CCSER1: variants seen among roughly 807,000 people sequenced by gnomAD.
The protein encoded by CCSER1 is serine-rich coiled-coil domain-containing protein 1.
A neutral mutation model predicts 82.0 loss-of-function variants in CCSER1; 41 were observed. That is an observed-to-expected ratio of 0.50 (90% CI 0.39 to 0.65). The LOEUF is 0.65. Ranked by LOEUF, CCSER1 falls within the 30% of genes least tolerant of loss-of-function variation. The pLI is 0.00. For missense variants in CCSER1, 1,119 were observed against 1,064.2 expected, an observed-to-expected ratio of 1.05 and a Z score of -0.72; for synonymous variants, 414 against 383.9, an observed-to-expected ratio of 1.08 and a Z score of -0.92.
chr4:90,613,232 T>C (rs1355433982), intron 5 of CCSER1, among the ~76,000 whole-genome samples: 2 of 151,846 alleles, frequency 1.3e-5, no homozygotes, highest in African/African-American at 2.4e-5. Context: ...CACACAGAAA[T>C]GAAAAGCTAA....
At chr4:90,944,518 A>C (rs1056402249) in intron 9 of CCSER1, among the ~76,000 whole-genome samples, 1 of 152,064 alleles carries the variant, frequency 6.6e-6, no homozygotes, top group African/African-American at 2.4e-5. Context: ...TTGAACATCC[A>C]CTTTGAGATC....
intron 10 of CCSER1, among the ~76,000 whole-genome samples, chr4:91,265,020 TAAAG>T: frequency 6.6e-6 from 1 of 152,194 alleles, no homozygotes; most frequent in East Asian, 1.9e-4. Context: ...TCATTGTGTA[TAAAG>T]AATTTTTTAT....
At chr4:90,703,169 T>C (rs999869253) in intron 6 of CCSER1, among the ~76,000 whole-genome samples, 1 of 152,234 alleles carries the variant, frequency 6.6e-6, no homozygotes, top group Non-Finnish European at 1.5e-5. Flanking sequence ...TCTATTATGC[T>C]GTGTCTTTGT....
intron 5 of CCSER1, among the ~76,000 whole-genome samples, chr4:90,499,112 A>ATG (rs1284294092): frequency 6.7e-6 from 1 of 150,320 alleles, no homozygotes; most frequent in African/African-American, 2.5e-5. Context: ...ATGTATGTGT[A>ATG]TATGTGTGTG....
In CCSER1 at chr4:90,643,790, G is replaced by A. The variant is rs77917166; in HGVS notation, c.1932+15558G>A. Among the ~76,000 whole-genome samples the A allele has an allele frequency of 6.2e-4, 94 of 150,534 alleles. No homozygotes were observed. In the East Asian group the frequency reaches 0.015, roughly 25 times the overall value. ...TGTTTAATTTCTTTAGCAGTCATAGGTTTCTTTGGGTGTAATAAGGGGATT... is the reference window on the plus strand; with the variant it reads ...TGTTTAATTTCTTTAGCAGTCATAGATTTCTTTGGGTGTAATAAGGGGATT... On this transcript the variant is annotated intron_variant, in intron 6 of 10. Transcript: ENST00000509176.
intron 9 of CCSER1, among the ~76,000 whole-genome samples, chr4:90,972,730 C>A (rs1414365703): frequency 6.6e-6 from 1 of 151,572 alleles, no homozygotes; most frequent in Non-Finnish European, 1.5e-5. Flanking sequence ...AAGAAGAAAG[C>A]TGGAGGCATC....
chr4:90,348,847 G>C (rs895792860), intron 3 of CCSER1, among the ~76,000 whole-genome samples: 1 of 152,066 alleles, frequency 6.6e-6, no homozygotes. Context: ...GGTCTTAAAC[G>C]TTGTTGTGAA....
chr4:90,188,029 C>T (rs1489115958), intron 1 of CCSER1, among the ~76,000 whole-genome samples: 2 of 151,854 alleles, frequency 1.3e-5, no homozygotes, highest in Non-Finnish European at 2.9e-5. Flanking sequence ...ATATTCATTG[C>T]CTCCTTTTAG....
chr4:91,470,846 C>A (rs1028288204), intron 10 of CCSER1, among the ~76,000 whole-genome samples: 3 of 152,144 alleles, frequency 2.0e-5, no homozygotes, highest in Admixed American at 1.3e-4. Context: ...CTTCCCCCCA[C>A]AAAATTATGT....
chr4:90,987,208 C>A (rs1451231806), intron 9 of CCSER1, among the ~76,000 whole-genome samples: 2 of 150,934 alleles, frequency 1.3e-5, no homozygotes, highest in African/African-American at 4.9e-5. Context: ...TTTTTCAAGT[C>A]AAGTAGAATT....
At chr4:90,166,989 A>G (rs985681322) in intron 1 of CCSER1, among the ~76,000 whole-genome samples, 3 of 151,986 alleles carry the variant, frequency 2.0e-5, no homozygotes, top group African/African-American at 7.2e-5. Context: ...ATTTAGTGAA[A>G]TTCTTTAATC....
intron 10 of CCSER1, among the ~76,000 whole-genome samples, chr4:91,087,842 A>T (rs1723537182): frequency 6.6e-6 from 1 of 152,104 alleles, no homozygotes; most frequent in South Asian, 2.1e-4. Flanking sequence ...ATTCAATGTA[A>T]CTACTTACCT....
intron 5 of CCSER1, among the ~76,000 whole-genome samples, chr4:90,480,937 G>A (rs1765849468): frequency 1.3e-5 from 2 of 152,104 alleles, no homozygotes; most frequent in African/African-American, 4.8e-5. Flanking sequence ...AGCTTGATGG[G>A]GATGGCATTG....
rs781328881 is a variant in CCSER1, at chr4:91,441,003, AG to A, written c.2218-157567del. ...ATAGCTTACCAACCAAAAAGAGTCC[AG>A]GACCAGATGGATTCACAGCCGAATT... is the stretch of plus-strand genomic sequence containing the variant. On this transcript the variant is annotated intron_variant, in intron 10 of 10. Transcript: ENST00000509176. Among the ~76,000 whole-genome samples the A allele has an allele frequency of 2.3e-3, 357 of 152,118 alleles. 1 individual carries two copies. Among genetic ancestry groups the A allele is most frequent in the Non-Finnish European group, 3.8e-3 (261 of 67,962 alleles).
chr4:91,503,565 G>A (rs1205674732), intron 10 of CCSER1, among the ~76,000 whole-genome samples: 2 of 137,238 alleles, frequency 1.5e-5, no homozygotes, highest in East Asian at 4.4e-4. Context: ...ATGTGTTCCT[G>A]TCTGGGGTCT....
At chr4:90,786,301 A>G (rs1258449582) in intron 7 of CCSER1, among the ~76,000 whole-genome samples, 2 of 152,184 alleles carry the variant, frequency 1.3e-5, no homozygotes, top group Non-Finnish European at 2.9e-5. Flanking sequence ...AAGATATACA[A>G]ATGAAGATCT....
At chr4:90,729,100 A>G (rs886757931) in intron 7 of CCSER1, among the ~76,000 whole-genome samples, 2 of 152,166 alleles carry the variant, frequency 1.3e-5, no homozygotes, top group African/African-American at 4.8e-5. Flanking sequence ...CTTATTTATA[A>G]AATGACAACA....
At chr4:91,215,074 G>T (rs946893616) in intron 10 of CCSER1, among the ~76,000 whole-genome samples, 1 of 151,936 alleles carries the variant, frequency 6.6e-6, no homozygotes, top group Non-Finnish European at 1.5e-5. Context: ...TATATAAAGG[G>T]TATCCAGTGT....
chr4:90,522,729 T>A (rs1773287836), intron 5 of CCSER1, among the ~76,000 whole-genome samples: 1 of 152,172 alleles, frequency 6.6e-6, no homozygotes, highest in African/African-American at 2.4e-5. Flanking sequence ...TCCTTTCTTT[T>A]ATGCTCCATT....
Sources: gnomAD v4.1 joint callset for allele counts (sites outside exome capture counted in the v4.1 genomes callset) on GRCh38, gnomAD v4.1.1 for gene constraint, MANE v1.5 for transcripts, NCBI Gene and HGNC (gene_info 2026-07-23, HGNC 2026-07-21) for gene names.